The following BEST3 variants were observed in gnomAD, a reference collection of about 807,000 sequenced individuals.
BEST3 encodes bestrophin-3.
BEST3 carries 50 observed loss-of-function variants against 47.1 expected under a neutral mutation model. The observed-to-expected ratio is 1.06, with a 90% CI of 0.85 to 1.34. BEST3 has a LOEUF of 1.34. Ranked by LOEUF, BEST3 falls within the 40% of genes most tolerant of loss-of-function variation. The probability of loss-of-function intolerance (pLI) is 0.00; values close to 1 mark genes in which losing one functional copy is unlikely to be tolerated. For synonymous variants in BEST3, 282 were observed against 298.8 expected (o/e 0.94, Z 0.58); for missense variants, 765 against 817.0 (o/e 0.94, Z 0.78).
At chr12:69,662,085 A>T (rs17106897) in intron 9 of BEST3, among the ~76,000 whole-genome samples, 21,231 of 152,246 alleles carry the variant, frequency 0.14, 1,835 homozygotes, top group African/African-American at 0.24. Context: ...TACCATTTAA[A>T]GATGAAAACT....
At chr12:69,681,984 G>A (rs1307291225) in intron 4 of BEST3, among the ~76,000 whole-genome samples, 1 of 151,110 alleles carries the variant, frequency 6.6e-6, no homozygotes, top group East Asian at 2.0e-4. Flanking sequence ...GGGAGGCTGA[G>A]GCAGGAGAGT....
intron 4 of BEST3, among the ~76,000 whole-genome samples, chr12:69,680,325 T>TTTTTTTTTTTTTTTTTTTTTG (rs1885178009): frequency 3.5e-5 from 5 of 143,992 alleles, no homozygotes; most frequent in Admixed American, 6.9e-5. Flanking sequence ...TTTTTTTTTT[T>TTTTTTTTTTTTTTTTTTTTTG]TTAGATGGAG....
chr12:69,682,081 CAAAAA>C (rs35331064), intron 4 of BEST3, among the ~76,000 whole-genome samples: 2 of 102,322 alleles, frequency 2.0e-5, no homozygotes, highest in African/African-American at 7.9e-5. Context: ...GACTCCGTCT[CAAAAA>C]AAAAAAAAAA....
At chr12:69,693,970 C>G in intron 3 of BEST3, 63 bp from the exon 4 acceptor site, 1 of 1,239,564 alleles carries the variant, frequency 8.1e-7, no homozygotes, top group East Asian at 2.6e-5. Context: ...GACACTGATG[C>G]TTTTAGCTGA....
Position 69,677,182 on chromosome 12 carries a change from G to A in BEST3, c.712C>T (p.Gln238Ter), listed in dbSNP as rs375603707. Residue 238 changes from glutamine to a stop codon, truncating the protein, a stop_gained and splice_region_variant, in exon 6 of 10, where the codon CAG (glutamine) becomes TAG (stop). Coordinates refer to ENST00000330891, the MANE Select transcript of BEST3 (RefSeq NM_032735.3). LOFTEE classifies it high-confidence loss of function. ...DWVGIPLVYT[Q>*]VVTLAVYTFF... ...ATTCCATGAAAAGTATTTCTTACCTGGGTGTAAACCAGCGGAATCCCAACC... is the reference window on the plus strand; with the variant it reads ...ATTCCATGAAAAGTATTTCTTACCTAGGTGTAAACCAGCGGAATCCCAACC... 19 of 1,613,654 alleles carry A rather than the reference G, an allele frequency of 1.2e-5. No individual in the cohort carries two copies. Among genetic ancestry groups the A allele is most frequent in the Non-Finnish European group, 1.4e-5 (17 of 1,179,774 alleles).
chr12:69,674,333 A>C (rs1183011863), intron 7 of BEST3, among the ~76,000 whole-genome samples: 1 of 152,138 alleles, frequency 6.6e-6, no homozygotes, highest in South Asian at 2.1e-4. Context: ...TCTTAAAAAA[A>C]CCCGATTGAT....
At chr12:69,683,770 A>G (rs1885394746) in intron 4 of BEST3, 1 of 152,230 alleles carries the variant, frequency 6.6e-6, no homozygotes, top group South Asian at 2.1e-4. Flanking sequence ...ACGGGTGCAC[A>G]TCCTCAACCT....
chr12:69,689,191 A>T lies in BEST3; in HGVS notation c.481+4483T>A. 4 of 985,500 alleles carry T rather than the reference A, an allele frequency of 4.1e-6. No individual in the cohort carries two copies. In the South Asian group the frequency reaches 1.9e-4, roughly 46 times the overall value. 61.0% of individuals were successfully genotyped at this position (985,500 alleles called of 1,614,324 possible). ...CCAGAAACCTTGGCACAGGCAAAGG[A>T]CAGTCAGAGAGTGGCGGAGGCATAT... On this transcript the variant is annotated intron_variant, in intron 4 of 9. Transcript: ENST00000330891.
intron 7 of BEST3, among the ~76,000 whole-genome samples, chr12:69,675,548 C>G (rs1884860035): frequency 6.6e-6 from 1 of 152,160 alleles, no homozygotes; most frequent in African/African-American, 2.4e-5. Context: ...AAACTTGGTG[C>G]AAGTCAGGGG....
At position 69,653,897 on chromosome 12, in the gene BEST3, G is replaced by A. The variant is rs539895166; in HGVS notation, c.*1010C>T. ...TTAGGATTTTTGCATAAGAGTTCAA[G>A]TTAAACAGATGTGAGTCATCTTATT... On this transcript the variant is annotated 3_prime_UTR_variant, in exon 10 of 10. Coordinates refer to ENST00000330891, the MANE Select transcript of BEST3 (RefSeq NM_032735.3). 97 of 985,494 alleles carry A rather than the reference G, an allele frequency of 9.8e-5. 2 individuals carry two copies. In the Middle Eastern group the frequency reaches 2.1e-3, roughly 21 times the overall value. The allele number at this position is 985,494 out of a possible 1,614,324, so 61.0% of individuals were successfully genotyped here.
At chr12:69,651,306 G>T (rs1469900609), downstream of BEST3, among the ~76,000 whole-genome samples, 3 of 152,214 alleles carry the variant, frequency 2.0e-5, no homozygotes, top group Non-Finnish European at 4.4e-5. Context: ...AAATGAGCCA[G>T]AAAAGAGCCC....
At chr12:69,643,836 A>G (rs1036502372) in intron 9 of BEST3, 1 of 661,268 alleles carries the variant, frequency 1.5e-6, no homozygotes, top group African/African-American at 1.8e-5. Context: ...CTACACGTAT[A>G]CAGGTGCTTC....
In BEST3 at chr12:69,676,930, C is replaced by T; in HGVS notation, c.853G>A (p.Ala285Thr). 3 of 1,613,666 alleles carry T rather than the reference C, an allele frequency of 1.9e-6. No individual in the cohort carries two copies. The highest frequency in any genetic ancestry group is 1.7e-5 in the Admixed American group (1 of 59,984). The stretch of plus-strand genomic sequence containing the variant: ...CCACTGGCTACCTTAAGCCATCCTG[C>T]ATAGAAGAAGAATTGTAGGAGGGTG... ...IFTLLQFFFY[A>T]GWLKVAEQLI... The change falls in exon 7 of 10, where the codon GCA (alanine) becomes ACA (threonine). Residue 285 changes from alanine to threonine, a missense_variant. Transcript: ENST00000330891.
chr12:69,659,073 CAG>C (rs1176109613), intron 9 of BEST3, among the ~76,000 whole-genome samples: 1 of 152,114 alleles, frequency 6.6e-6, no homozygotes, highest in Non-Finnish European at 1.5e-5. Flanking sequence ...TAGTCTGAAA[CAG>C]GGTCTTTAGA....
chr12:69,680,925 A>C (rs1204683156), intron 4 of BEST3, among the ~76,000 whole-genome samples: 1 of 138,736 alleles, frequency 7.2e-6, no homozygotes, highest in African/African-American at 2.5e-5. Flanking sequence ...GCTGCTCTCT[A>C]TATATTAACA....
At chr12:69,673,190 C>T (rs1462853977) in intron 7 of BEST3, among the ~76,000 whole-genome samples, 1 of 152,148 alleles carries the variant, frequency 6.6e-6, no homozygotes, top group African/African-American at 2.4e-5. Context: ...TGGATCTGTC[C>T]ATTCAACTGG....
chr12:69,644,667 G>A (rs911791618), intron 9 of BEST3, among the ~76,000 whole-genome samples: 1 of 152,126 alleles, frequency 6.6e-6, no homozygotes, highest in Non-Finnish European at 1.5e-5. Context: ...TTATTTGATA[G>A]GACAGTAAGA....
chr12:69,658,795 A>G (rs1311077775), intron 9 of BEST3, among the ~76,000 whole-genome samples: 1 of 152,218 alleles, frequency 6.6e-6, no homozygotes, highest in Non-Finnish European at 1.5e-5. Flanking sequence ...AATAGGAGAT[A>G]CTTGAATCTG....
Position 69,668,821 on chromosome 12 carries a change from A to G in BEST3, c.1100+2607T>C, listed in dbSNP as rs566566399. Among the ~76,000 whole-genome samples the G allele has an allele frequency of 1.2e-3, 178 of 152,358 alleles. 1 individual carries two copies. The highest frequency in any genetic ancestry group is 2.2e-3 in the Non-Finnish European group (147 of 68,034). On this transcript the variant is annotated intron_variant, in intron 9 of 9. Transcript: ENST00000330891. ...TATGTGAGCCCGAGCCCAGTCAGTC[A>G]TAGCAAATCCATCACTTCAGTTTCA...
Sources: allele counts gnomAD v4.1 joint callset (sites outside exome capture counted in the v4.1 genomes callset), GRCh38; gene constraint gnomAD v4.1.1; transcripts MANE v1.5; gene names NCBI Gene and HGNC (gene_info 2026-07-23, HGNC 2026-07-21).